The following CELF2 variants were observed in gnomAD, a reference collection of about 807,000 sequenced individuals.
CELF2 encodes the protein CUG triplet repeat RNA-binding protein 2.
In CELF2, 8 loss-of-function variants were observed where a neutral mutation model predicts 62.6. The ratio of observed to expected loss-of-function variants is 0.13; its 90% CI spans 0.07 to 0.23. The LOEUF (loss-of-function observed/expected upper bound fraction) is 0.23, where lower values mean the gene tolerates loss of function less well. Among genes scored for constraint, CELF2 ranks in the 10% least tolerant of loss-of-function variants. The pLI is 1.00. For missense variants in CELF2, 333 were observed against 671.0 expected (o/e 0.50, Z 5.56); for synonymous variants, 258 against 250.0 (o/e 1.03, Z -0.30).
chr10:10,871,744 G>T (rs534449218), intron 1 of CELF2, among the ~76,000 whole-genome samples: 23 of 152,172 alleles, frequency 1.5e-4, no homozygotes, highest in Non-Finnish European at 2.6e-4. Context: ...GCAGCACGAG[G>T]ACCCAGGAGC....
At chr10:11,055,844 G>A (rs1164133130) in intron 1 of CELF2, among the ~76,000 whole-genome samples, 2 of 152,078 alleles carry the variant, frequency 1.3e-5, no homozygotes, top group Non-Finnish European at 2.9e-5. Flanking sequence ...CATTTCTAAA[G>A]GTTCCTTTTC....
chr10:10,789,674 T>C, the CELF2 span, among the ~76,000 whole-genome samples: 1 of 152,178 alleles, frequency 6.6e-6, no homozygotes, highest in Non-Finnish European at 1.5e-5. Flanking sequence ...TAAAATGCTA[T>C]ATTGCATTTT....
At chr10:11,188,900 C>T (rs532601987) in intron 2 of CELF2, among the ~76,000 whole-genome samples, 1 of 152,148 alleles carries the variant, frequency 6.6e-6, no homozygotes, top group African/African-American at 2.4e-5. Flanking sequence ...TTTAATCTGC[C>T]GTTAATCCCA....
At chr10:11,283,912 TA>T in intron 8 of CELF2, among the ~76,000 whole-genome samples, 1 of 131,946 alleles carries the variant, frequency 7.6e-6, no homozygotes, top group Admixed American at 7.5e-5. Context: ...GACTGTGTGG[TA>T]GGTGGATGAT....
the CELF2 span, among the ~76,000 whole-genome samples, chr10:10,682,998 C>G: frequency 6.6e-6 from 1 of 152,186 alleles, no homozygotes; most frequent in Non-Finnish European, 1.5e-5. Context: ...TCACAGAACG[C>G]AGCAAGACCC....
At position 11,061,003 on chromosome 10, in the gene CELF2, A is replaced by G. The variant is rs567470959; in HGVS notation, c.74+42840A>G. Among the ~76,000 whole-genome samples the G allele has an allele frequency of 2.2e-3, 330 of 152,344 alleles. 1 individual carries two copies. The highest frequency in any genetic ancestry group is 7.6e-3 in the African/African-American group (318 of 41,574). On this transcript the variant is annotated intron_variant, in intron 1 of 12. Transcript: ENST00000633077. ...AATCAGGTCAATTAATAACCCTGCA[A>G]TGGCCTTTAACTGTTCAAATGAAAG... is the stretch of plus-strand genomic sequence containing the variant.
At chr10:11,149,072 G>GT (rs532912699) in intron 1 of CELF2, among the ~76,000 whole-genome samples, 123 of 151,232 alleles carry the variant, frequency 8.1e-4, no homozygotes, top group South Asian at 4.6e-3. Context: ...ATTGACAGGT[G>GT]TTTTTTTTTC....
Position 11,306,317 on chromosome 10 carries a change from G to A in CELF2, c.977-7822G>A, listed in dbSNP as rs2140317712. Among the ~76,000 whole-genome samples the A allele has an allele frequency of 1.3e-5, 2 of 152,040 alleles. No homozygotes were observed. Among genetic ancestry groups the A allele is most frequent in the East Asian group, 3.9e-4 (2 of 5,162 alleles). On this transcript the variant is annotated intron_variant, in intron 9 of 12. Coordinates refer to ENST00000633077, the MANE Select transcript of CELF2 (RefSeq NM_001326342.2). The surrounding 1 kb of genome is among the most constrained non-coding windows in gnomAD (Gnocchi z 4.4). ...AAAACTTTTAAGTGAGAAAGCGTAGGGTACAGTTCTCAGCACAGACTGAAG... is the reference window on the plus strand; with the variant it reads ...AAAACTTTTAAGTGAGAAAGCGTAGAGTACAGTTCTCAGCACAGACTGAAG...
At chr10:10,700,300 G>T in the CELF2 span, among the ~76,000 whole-genome samples, 8 of 152,178 alleles carry the variant, frequency 5.3e-5, no homozygotes, top group Admixed American at 4.6e-4. Flanking sequence ...CCCAAGGCTG[G>T]GTTCACAGAC....
chr10:10,554,862 A>G, the CELF2 span, among the ~76,000 whole-genome samples: 183 of 152,294 alleles, frequency 1.2e-3, 4 homozygotes, highest in South Asian at 0.031. Context: ...TTCCCTCTAC[A>G]GTGACATATA....
intron 2 of CELF2, among the ~76,000 whole-genome samples, chr10:11,205,026 A>G (rs1045030558): frequency 3.3e-5 from 5 of 152,168 alleles, no homozygotes; most frequent in Admixed American, 2.6e-4. Context: ...AGTTGGGGAA[A>G]ATTTTGTTGT....
At chr10:10,908,314 G>T (rs1184560491) in intron 1 of CELF2, among the ~76,000 whole-genome samples, 2 of 132,002 alleles carry the variant, frequency 1.5e-5, no homozygotes, top group Non-Finnish European at 3.1e-5. Context: ...CCACCTCCCA[G>T]GTTCACGCCA....
At chr10:11,095,311 A>G (rs1265693790) in intron 1 of CELF2, among the ~76,000 whole-genome samples, 1 of 152,146 alleles carries the variant, frequency 6.6e-6, no homozygotes, top group African/African-American at 2.4e-5. Flanking sequence ...GCATCCTTGC[A>G]TTTGGGTGGA....
chr10:10,474,843 A>C, the CELF2 span, among the ~76,000 whole-genome samples: 1 of 152,126 alleles, frequency 6.6e-6, no homozygotes, highest in Admixed American at 6.6e-5. Context: ...GGTGAGTCTT[A>C]TCAGATGTGA....
the CELF2 span, among the ~76,000 whole-genome samples, chr10:10,540,799 T>G: frequency 1.3e-5 from 2 of 152,066 alleles, no homozygotes; most frequent in Admixed American, 6.6e-5. Context: ...AGAGGCTGGA[T>G]ATTGTGGCGG....
chr10:11,097,562 C>G (rs2050254416), intron 1 of CELF2, among the ~76,000 whole-genome samples: 1 of 152,156 alleles, frequency 6.6e-6, no homozygotes, highest in African/African-American at 2.4e-5. Flanking sequence ...GACTCTGGGA[C>G]CAGGGAATTG....
chr10:10,673,127 A>C, the CELF2 span, among the ~76,000 whole-genome samples: 3 of 151,972 alleles, frequency 2.0e-5, no homozygotes, highest in African/African-American at 4.8e-5. Flanking sequence ...CTCTATATTC[A>C]CTTTATATAA....
At chr10:10,535,539 G>A in the CELF2 span, among the ~76,000 whole-genome samples, 1 of 152,090 alleles carries the variant, frequency 6.6e-6, no homozygotes, top group Non-Finnish European at 1.5e-5. Context: ...CCAAGATGGT[G>A]AAACCCCATC....
intron 2 of CELF2, among the ~76,000 whole-genome samples, chr10:11,215,488 C>A (rs752854994): frequency 2.0e-5 from 3 of 152,142 alleles, no homozygotes; most frequent in Non-Finnish European, 4.4e-5. Flanking sequence ...CTTACTCTTT[C>A]GTAATTTCCT....
Sources: allele counts gnomAD v4.1 joint callset (sites outside exome capture counted in the v4.1 genomes callset), GRCh38; gene constraint gnomAD v4.1.1; non-coding constraint Gnocchi (gnomAD v3.1); transcripts MANE v1.5; gene names NCBI Gene and HGNC (gene_info 2026-07-23, HGNC 2026-07-21).